The following UCHL5 variants were observed in gnomAD, a reference collection of about 807,000 sequenced individuals.
UCHL5 encodes ubiquitin C-terminal hydrolase L5, also known as ubiquitin carboxyl-terminal hydrolase isozyme L5.
A neutral mutation model predicts 53.8 loss-of-function variants in UCHL5; 34 were observed. The observed-to-expected ratio is 0.63, with a 90% CI of 0.48 to 0.84. The LOEUF is 0.84. Ranked by LOEUF, UCHL5 falls within the 40% of genes least tolerant of loss-of-function variation. The pLI is 0.00. For missense variants in UCHL5, 290 were observed against 385.6 expected, an observed-to-expected ratio of 0.75 and a Z score of 2.08; for synonymous variants, 111 against 126.3, an observed-to-expected ratio of 0.88 and a Z score of 0.81.
intron 1 of UCHL5, among the ~76,000 whole-genome samples, chr1:193,053,437 C>T (rs1455354119): frequency 1.3e-5 from 2 of 152,184 alleles, no homozygotes; most frequent in Non-Finnish European, 2.9e-5. Context: ...TAAACACAAA[C>T]ACATCTGTTC....
intron 7 of UCHL5, among the ~76,000 whole-genome samples, chr1:193,024,333 T>C (rs1329965903): frequency 6.6e-6 from 1 of 151,728 alleles, no homozygotes; most frequent in Non-Finnish European, 1.5e-5. Context: ...AAATGTTTTT[T>C]AAATATTCTA....
intron 10 of UCHL5, chr1:193,018,733 A>G (rs539210159): frequency 1.4e-6 from 2 of 1,439,772 alleles, no homozygotes; most frequent in East Asian, 2.7e-5. Context: ...GAATCTCAGC[A>G]TATAGTAGCA....
chr1:193,033,328 G>A (rs916849524), intron 3 of UCHL5, among the ~76,000 whole-genome samples: 5 of 152,092 alleles, frequency 3.3e-5, no homozygotes, highest in African/African-American at 1.2e-4. Flanking sequence ...GTTCAACAAT[G>A]AGAACGCATG....
At chr1:193,036,338 AAAAAG>A (rs1663434703) in intron 3 of UCHL5, among the ~76,000 whole-genome samples, 1 of 148,808 alleles carries the variant, frequency 6.7e-6, no homozygotes, top group African/African-American at 2.4e-5. Context: ...AAAAAAAAAA[AAAAAG>A]AACAGGAGTA....
intron 3 of UCHL5, among the ~76,000 whole-genome samples, chr1:193,042,587 C>T (rs1009381510): frequency 6.6e-6 from 1 of 152,184 alleles, no homozygotes; most frequent in Non-Finnish European, 1.5e-5. Flanking sequence ...CTATTCACAT[C>T]TGTCTTTACT....
In UCHL5 at chr1:193,041,441, A is replaced by G. The variant is rs145590955; in HGVS notation, c.246+8305T>C. ...GACAAAAATGAAGTAGCATTTTGGA[A>G]CCAATTAGCTGACAAAAATTTAAAA... is the stretch of plus-strand genomic sequence containing the variant. On this transcript the variant is annotated intron_variant, in intron 3 of 10. Transcript: ENST00000367454. Among the ~76,000 whole-genome samples, 299 of 152,306 alleles carry G rather than the reference A, an allele frequency of 2.0e-3. 1 individual carries two copies. The highest frequency in any genetic ancestry group is 4.1e-3 in the Admixed American group (62 of 15,298).
Position 193,013,161 on chromosome 1 carries a change from A to C in UCHL5, c.*3190T>G, listed in dbSNP as rs1654399713. The C allele has an allele frequency of 6.6e-6, 1 of 152,176 alleles. No homozygotes were observed. The highest frequency in any genetic ancestry group is 1.5e-5 in the Non-Finnish European group (1 of 68,022). 9.4% of individuals were successfully genotyped at this position (152,176 alleles called of 1,614,324 possible). A position where few individuals can be genotyped will look rare whatever the true frequency, so the allele number is the denominator to read the frequency against. Reference sequence around the variant, plus strand: ...TTACAGCAGGTTCCTCATTCCTTGAACACAACTACTGCAACATGTTCTAAC... The same window carrying C: ...TTACAGCAGGTTCCTCATTCCTTGACCACAACTACTGCAACATGTTCTAAC... On this transcript the variant is annotated 3_prime_UTR_variant, in exon 11 of 11. Transcript: ENST00000367454.
At chr1:193,051,073 TAAC>T (rs1280258236) in intron 2 of UCHL5, among the ~76,000 whole-genome samples, 1 of 152,190 alleles carries the variant, frequency 6.6e-6, no homozygotes, top group African/African-American at 2.4e-5. Context: ...TTCTTACTAT[TAAC>T]AACAGTTAGC....
At chr1:193,052,807 T>C (rs1041355827) in intron 1 of UCHL5, among the ~76,000 whole-genome samples, 3 of 152,168 alleles carry the variant, frequency 2.0e-5, no homozygotes, top group Non-Finnish European at 4.4e-5. Flanking sequence ...TTTACCAAAG[T>C]TTTTTATGTC....
At chr1:193,033,636 T>C (rs1356057814) in intron 3 of UCHL5, among the ~76,000 whole-genome samples, 1 of 152,022 alleles carries the variant, frequency 6.6e-6, no homozygotes, top group African/African-American at 2.4e-5. Flanking sequence ...AGGTTGAGAA[T>C]GTAACAGTAG....
intron 2 of UCHL5, among the ~76,000 whole-genome samples, chr1:193,051,410 T>C (rs989851940): frequency 1.4e-4 from 21 of 151,940 alleles, no homozygotes; most frequent in African/African-American, 4.8e-4. Context: ...ACTGAGCTAT[T>C]GTTCTTGCTT....
chr1:193,016,320 A>C lies in UCHL5; in HGVS notation c.*31T>G, dbSNP rs1293713726. 4.4e-6 allele frequency: 7 copies of C among 1,595,352 alleles called. No individual in the cohort carries two copies. Among genetic ancestry groups the C allele is most frequent in the Non-Finnish European group, 6.0e-6 (7 of 1,174,140 alleles). On this transcript the variant is annotated 3_prime_UTR_variant, in exon 11 of 11. Transcript: ENST00000367454. ...TGGTTTCCATGAAAATATGTGCAGAAGCAGAAATGTGTACATATCTGAAAA... is the reference window on the plus strand; with the variant it reads ...TGGTTTCCATGAAAATATGTGCAGACGCAGAAATGTGTACATATCTGAAAA...
At chr1:193,039,022 T>C (rs1664623988) in intron 3 of UCHL5, among the ~76,000 whole-genome samples, 1 of 152,042 alleles carries the variant, frequency 6.6e-6, no homozygotes, top group South Asian at 2.1e-4. Flanking sequence ...AAAATCAGCA[T>C]ACAAAAATCA....
intron 3 of UCHL5, among the ~76,000 whole-genome samples, chr1:193,033,097 G>T (rs893850956): frequency 5.3e-5 from 8 of 152,008 alleles, no homozygotes; most frequent in Non-Finnish European, 1.2e-4. Flanking sequence ...TTGCAGTATT[G>T]TTCACAATAG....
At chr1:193,024,059 C>T in intron 7 of UCHL5, 113 bp from the exon 8 acceptor site, 1 of 777,516 alleles carries the variant, frequency 1.3e-6, no homozygotes, top group East Asian at 2.9e-5. Flanking sequence ...AAAAGTCTAT[C>T]AATTGGCTAG....
intron 1 of UCHL5, among the ~76,000 whole-genome samples, chr1:193,057,070 T>G (rs1670846394): frequency 6.6e-6 from 1 of 152,246 alleles, no homozygotes; most frequent in African/African-American, 2.4e-5. Flanking sequence ...TTTAACATAT[T>G]GTTAAGGTTT....
At chr1:193,020,460 G>T in intron 10 of UCHL5, 1 of 1,535,494 alleles carries the variant, frequency 6.5e-7, no homozygotes, top group Non-Finnish European at 8.8e-7. Flanking sequence ...AGAATATCTG[G>T]GGAGGGGCCA....
At chr1:193,023,235 G>A (rs1008297957) in intron 8 of UCHL5, among the ~76,000 whole-genome samples, 199 bp from the exon 9 acceptor site, 3 of 152,008 alleles carry the variant, frequency 2.0e-5, no homozygotes, top group Non-Finnish European at 4.4e-5. Flanking sequence ...CTAATAATAC[G>A]AATTTTCATC....
Position 193,016,365 on chromosome 1 carries a change from G to A in UCHL5, c.973C>T (p.Gln325Ter). 3.7e-6 allele frequency: 6 copies of A among 1,603,596 alleles called. No homozygotes were observed. The highest frequency in any genetic ancestry group is 5.1e-6 in the Non-Finnish European group (6 of 1,176,896). The change falls in exon 11 of 11, where the codon CAG becomes TAG. Residue 325 changes from glutamine to a stop codon, truncating the protein, a stop_gained. Coordinates refer to ENST00000367454, the MANE Select transcript of UCHL5 (RefSeq NM_001199261.3). LOFTEE classifies it high-confidence loss of function. Reference sequence around the variant, plus strand: ...TGAAAACATCTTCATTTGGTTTCCTGAGCTTTCTTTGCGTTCTGTTTTTCT... The same window carrying A: ...TGAAAACATCTTCATTTGGTTTCCTAAGCTTTCTTTGCGTTCTGTTTTTCT... ...AKEKQNAKKA[Q>*]ETK is the part of the protein sequence containing the mutation.
Sources: gnomAD v4.1 joint callset for allele counts (sites outside exome capture counted in the v4.1 genomes callset) on GRCh38, gnomAD v4.1.1 for gene constraint, MANE v1.5 for transcripts, NCBI Gene and HGNC (gene_info 2026-07-23, HGNC 2026-07-21) for gene names.